Variants in NTN4 observed in about 807,000 individuals in gnomAD.
NTN4 encodes the protein netrin-4.
In NTN4, 32 loss-of-function variants were observed where a neutral mutation model predicts 73.6. That is an observed-to-expected ratio of 0.44 (90% CI 0.33 to 0.58). The LOEUF (loss-of-function observed/expected upper bound fraction) is 0.58, where lower values mean the gene tolerates loss of function less well. NTN4 is among the 20% of genes least tolerant of loss of function. NTN4 has a pLI of 0.04. For missense variants in NTN4, 654 were observed against 798.3 expected (o/e 0.82, Z 2.18); for synonymous variants, 258 against 287.5 (o/e 0.90, Z 1.04).
chr12:95,753,675 C>G (rs1177449791), intron 2 of NTN4, among the ~76,000 whole-genome samples: 2 of 151,328 alleles, frequency 1.3e-5, no homozygotes, highest in Non-Finnish European at 3.0e-5. Flanking sequence ...GTAGAACGGA[C>G]TAAAGGTCTT....
At chr12:95,774,974 A>G (rs1277175318) in intron 2 of NTN4, among the ~76,000 whole-genome samples, 1 of 152,250 alleles carries the variant, frequency 6.6e-6, no homozygotes, top group East Asian at 1.9e-4. Context: ...GCTAGAAGTC[A>G]GGAAACACAG....
chr12:95,789,919 G>A lies in NTN4; in HGVS notation c.55+336C>T, dbSNP rs1364418827. ...CATTCCTTAGGCCATGAAGTGCCGG[G>A]GGATGGCGAGCTGGGTCCTTTGTTC... On this transcript the variant is annotated intron_variant, in intron 1 of 9. Transcript: ENST00000343702. This position sits in a 1 kb window ranked among gnomAD's most constrained non-coding sequence, Gnocchi z 4.0. 3.8e-6 allele frequency: 1 copy of A among 260,344 alleles called. No homozygotes were observed. The highest frequency in any genetic ancestry group is 7.3e-6 in the Non-Finnish European group (1 of 137,334). 16.1% of individuals were successfully genotyped at this position (260,344 alleles called of 1,614,324 possible).
At position 95,670,042 on chromosome 12, in the gene NTN4, T is replaced by A. The variant is rs145820000; in HGVS notation, c.1579+36A>T. 1.1e-3 allele frequency: 1,380 copies of A among 1,305,590 alleles called. 3 individuals are homozygous for A. The highest frequency in any genetic ancestry group is 1.5e-3 in the Admixed American group (75 of 48,928). 80.9% of individuals were successfully genotyped at this position (1,305,590 alleles called of 1,614,324 possible). On this transcript the variant is annotated intron_variant, in intron 8 of 9. Coordinates refer to ENST00000343702, the MANE Select transcript of NTN4 (RefSeq NM_021229.4). Reference sequence around the variant, plus strand: ...AAAAATTCTCTGAACTTAGTGTGAATAGGTTCTCAGAAGCATTCAAGGATT... The same window carrying A: ...AAAAATTCTCTGAACTTAGTGTGAAAAGGTTCTCAGAAGCATTCAAGGATT...
intron 2 of NTN4, among the ~76,000 whole-genome samples, chr12:95,754,560 A>G (rs1344965052): frequency 6.6e-6 from 1 of 152,150 alleles, no homozygotes; most frequent in African/African-American, 2.4e-5. Flanking sequence ...AGAAGTGAAA[A>G]GGCCCTGCCC....
At position 95,751,436 on chromosome 12, in the gene NTN4, A is replaced by G. The variant is rs1489652184; in HGVS notation, c.586-13292T>C. On this transcript the variant is annotated intron_variant, in intron 2 of 9. Coordinates refer to ENST00000343702, the MANE Select transcript of NTN4 (RefSeq NM_021229.4). ...AGGCGTTCCTCCAGAACCTCCTCCC[A>G]CAGGAGCTTGCTACATATGCTGGAA... Among the ~76,000 whole-genome samples the G allele has an allele frequency of 1.3e-4, 20 of 152,226 alleles. No individual in the cohort carries two copies. In the East Asian group the frequency reaches 3.5e-3, roughly 26 times the overall value.
At chr12:95,754,026 C>A (rs1004660414) in intron 2 of NTN4, among the ~76,000 whole-genome samples, 3 of 152,120 alleles carry the variant, frequency 2.0e-5, no homozygotes, top group African/African-American at 7.2e-5. Context: ...TGGTGCTATC[C>A]CCAAACTGCC....
At chr12:95,698,912 A>G (rs1382763166) in intron 5 of NTN4, among the ~76,000 whole-genome samples, 1 of 151,906 alleles carries the variant, frequency 6.6e-6, no homozygotes, top group Admixed American at 6.6e-5. Context: ...ATGAATTTCA[A>G]TATGTGTTAT....
chr12:95,728,231 G>C (rs1353398820), intron 3 of NTN4, among the ~76,000 whole-genome samples: 1 of 152,078 alleles, frequency 6.6e-6, no homozygotes, highest in African/African-American at 2.4e-5. Context: ...TATCATTTGT[G>C]AATAAATATA....
At position 95,709,537 on chromosome 12, in the gene NTN4, TC is replaced by T. The variant is rs1400007215; in HGVS notation, c.1180+903del. ...TCCTTCCTTTCTCTCTCTCTCTCTC[TC>T]TCTTTTTTTTTTTTTGGAAAGGTTT... On this transcript the variant is annotated intron_variant, in intron 5 of 9. Coordinates refer to ENST00000343702, the MANE Select transcript of NTN4 (RefSeq NM_021229.4). 3.0e-3 allele frequency among the ~76,000 whole-genome samples: 401 copies of T among 135,898 alleles called. 2 individuals carry two copies. Among genetic ancestry groups the T allele is most frequent in the South Asian group, 4.1e-3 (17 of 4,174 alleles). 89.2% of individuals were successfully genotyped at this position (135,898 alleles called of 152,430 possible). A position where few individuals can be genotyped will look rare whatever the true frequency, so the allele number is the denominator to read the frequency against.
Position 95,659,093 on chromosome 12 carries a change from C to T in NTN4, c.1880G>A (p.Cys627Tyr), listed in dbSNP as rs771176078. The change falls in exon 10 of 10, where the codon TGC becomes TAC. Residue 627 changes from cysteine (C) to tyrosine (Y), a missense_variant. Coordinates refer to ENST00000343702, the MANE Select transcript of NTN4 (RefSeq NM_021229.4). ...GTGCTATCCATCTTAATGCTACTTG[C>T]ACTCTCTTTTTAAAATATCCATGAC... Reference protein sequence around the residue: ...RKVMDILKRECK With the variant: ...RKVMDILKREYK 2 of 1,611,244 alleles carry T rather than the reference C, an allele frequency of 1.2e-6. No homozygotes were observed. The highest frequency in any genetic ancestry group is 3.4e-5 in the Admixed American group (2 of 59,656).
At chr12:95,676,485 C>T (rs974601663) in intron 7 of NTN4, among the ~76,000 whole-genome samples, 51 of 151,750 alleles carry the variant, frequency 3.4e-4, no homozygotes, top group African/African-American at 1.2e-3. Context: ...TGGATTAAAG[C>T]GAAATTCTTA....
At chr12:95,665,679 G>A (rs752293726) in intron 9 of NTN4, 131 bp downstream of exon 9, 16 of 600,374 alleles carry the variant, frequency 2.7e-5, no homozygotes, top group Non-Finnish European at 4.2e-5. Context: ...TGGATTTTCC[G>A]CAGGAGTCAG....
chr12:95,736,918 A>G (rs2078782142), intron 3 of NTN4, among the ~76,000 whole-genome samples: 1 of 152,218 alleles, frequency 6.6e-6, no homozygotes, highest in South Asian at 2.1e-4. Context: ...AGAAAGAAGA[A>G]AGAATAGGGA....
chr12:95,700,114 T>C (rs1044425679), intron 5 of NTN4, among the ~76,000 whole-genome samples: 6 of 125,208 alleles, frequency 4.8e-5, no homozygotes, highest in African/African-American at 7.0e-5. Context: ...TTTTTTTTTT[T>C]TACTTAGGGT....
chr12:95,667,502 A>G (rs996270852), intron 8 of NTN4, among the ~76,000 whole-genome samples: 1 of 152,038 alleles, frequency 6.6e-6, no homozygotes, highest in Non-Finnish European at 1.5e-5. Context: ...GAGTCATCAC[A>G]TTTTAGACTT....
intron 2 of NTN4, among the ~76,000 whole-genome samples, chr12:95,768,313 C>T (rs1011342004): frequency 2.6e-5 from 4 of 151,978 alleles, no homozygotes; most frequent in Non-Finnish European, 5.9e-5. Flanking sequence ...GAAGTTTAAG[C>T]AAATTCCTTA....
intron 2 of NTN4, among the ~76,000 whole-genome samples, chr12:95,751,749 T>A (rs56952494): frequency 0.83 from 122,682 of 148,666 alleles, 50,922 homozygotes; most frequent in South Asian, 0.9. Context: ...CTTCTTAATC[T>A]ATACGGAGGC....
intron 2 of NTN4, among the ~76,000 whole-genome samples, chr12:95,771,067 G>A (rs551498947): frequency 1.0e-4 from 15 of 149,142 alleles, no homozygotes; most frequent in Non-Finnish European, 2.2e-4. Context: ...TCGGCTCACT[G>A]CAAGCTCCGC....
In NTN4 at chr12:95,737,734, G is replaced by A. The variant is rs991162295; in HGVS notation, c.864+132C>T. 7.6e-5 allele frequency: 57 copies of A among 751,990 alleles called. No homozygotes were observed. In the African/African-American group the frequency reaches 9.4e-4, roughly 12 times the overall value. 46.6% of individuals were successfully genotyped at this position (751,990 alleles called of 1,614,324 possible). On this transcript the variant is annotated intron_variant, in intron 3 of 9. Coordinates refer to ENST00000343702, the MANE Select transcript of NTN4 (RefSeq NM_021229.4). ...CAAGTTAACAGGCACTTTATAGGAT[G>A]AGTATGGAGTCGGAGCTGTGATGGG...
Sources: gnomAD v4.1 joint callset for allele counts (sites outside exome capture counted in the v4.1 genomes callset) on GRCh38, gnomAD v4.1.1 for gene constraint, Gnocchi (gnomAD v3.1) non-coding constraint, MANE v1.5 for transcripts, NCBI Gene and HGNC (gene_info 2026-07-23, HGNC 2026-07-21) for gene names.